Variants in NRXN3 observed in about 807,000 individuals in gnomAD.
The protein encoded by NRXN3 is neurexin 3, also known as neurexin III.
NRXN3 carries 32 observed loss-of-function variants against 137.6 expected under a neutral mutation model. That is an observed-to-expected ratio of 0.23 (90% CI 0.18 to 0.31). The LOEUF (loss-of-function observed/expected upper bound fraction) is 0.31. Ranked by LOEUF, NRXN3 falls within the 10% of genes least tolerant of loss-of-function variation. The pLI is 1.00. For synonymous variants in NRXN3, 798 were observed against 784.5 expected, an observed-to-expected ratio of 1.02 and a Z score of -0.29; for missense variants, 1,574 against 2,062.5, an observed-to-expected ratio of 0.76 and a Z score of 4.59.
At chr14:79,280,711 T>G in intron 15 of NRXN3, 1 of 668,474 alleles carries the variant, frequency 1.5e-6, no homozygotes. Flanking sequence ...TAAAGGTTAG[T>G]GTTTTCTGCC....
intron 4 of NRXN3, among the ~76,000 whole-genome samples, chr14:78,411,641 G>T (rs1482194534): frequency 6.6e-6 from 1 of 152,174 alleles, no homozygotes; most frequent in Non-Finnish European, 1.5e-5. Context: ...GCTGTCTCTG[G>T]AAGGGTATAG....
intron 16 of NRXN3, among the ~76,000 whole-genome samples, chr14:79,591,441 A>G (rs2097802438): frequency 6.6e-6 from 1 of 152,214 alleles, no homozygotes; most frequent in Admixed American, 6.5e-5. Context: ...ATCTTGGTCC[A>G]CAAATTTGTC....
intron 8 of NRXN3, among the ~76,000 whole-genome samples, chr14:78,785,506 C>T (rs1332508098): frequency 1.3e-5 from 2 of 152,194 alleles, no homozygotes; most frequent in Non-Finnish European, 2.9e-5. Context: ...AACTTGTTCC[C>T]TGTAGACTCA....
chr14:78,995,894 C>A (rs1318502439), intron 15 of NRXN3, among the ~76,000 whole-genome samples: 2 of 152,124 alleles, frequency 1.3e-5, no homozygotes, highest in Non-Finnish European at 2.9e-5. Flanking sequence ...AAGCAAAAAT[C>A]TCTTAACCTT....
intron 4 of NRXN3, among the ~76,000 whole-genome samples, chr14:78,492,215 T>C (rs2095681780): frequency 6.6e-6 from 1 of 152,072 alleles, no homozygotes; most frequent in Non-Finnish European, 1.5e-5. Context: ...AGGTATAGAG[T>C]ATGAGAGGGG....
intron 10 of NRXN3, among the ~76,000 whole-genome samples, chr14:78,911,967 C>T (rs558102967): frequency 1.1e-4 from 16 of 151,526 alleles, no homozygotes; most frequent in African/African-American, 2.4e-4. Context: ...ATGTGCACAA[C>T]GTGCAGGTTT....
At chr14:79,758,744 G>C (rs1239567230) in intron 19 of NRXN3, among the ~76,000 whole-genome samples, 1 of 152,192 alleles carries the variant, frequency 6.6e-6, no homozygotes, top group African/African-American at 2.4e-5. Flanking sequence ...GTGTGGCTTA[G>C]TAGAAGGTAA....
chr14:78,899,839 T>A lies in NRXN3; in HGVS notation c.2276-57403T>A, dbSNP rs529305679. The stretch of plus-strand genomic sequence containing the variant: ...CCTCAAATTCTTTTCTACCCTGACT[T>A]AGAACTATATAACTTTAACTCTCTT... On this transcript the variant is annotated intron_variant, in intron 10 of 20. Coordinates refer to ENST00000335750, the MANE Select transcript of NRXN3 (RefSeq NM_001330195.2). 5.3e-5 allele frequency among the ~76,000 whole-genome samples: 8 copies of A among 152,142 alleles called. No homozygotes were observed. The Middle Eastern group carries it at 0.01, about 194-fold the overall frequency.
intron 11 of NRXN3, among the ~76,000 whole-genome samples, chr14:78,960,175 C>A (rs944372275): frequency 6.6e-6 from 1 of 152,076 alleles, no homozygotes; most frequent in African/African-American, 2.4e-5. Context: ...TCCCCCCAAC[C>A]CCCCGAACTT....
In NRXN3 at chr14:79,579,540, G is replaced by A. The variant is rs888269554; in HGVS notation, c.3445-84238G>A. On this transcript the variant is annotated intron_variant, in intron 16 of 20. Coordinates refer to ENST00000335750, the MANE Select transcript of NRXN3 (RefSeq NM_001330195.2). ...ATTATCATTCATGTAGAATACAATG[G>A]TTTTTAAATAATCGGTAATAGAAGT... 3.3e-5 allele frequency among the ~76,000 whole-genome samples: 5 copies of A among 151,718 alleles called. 1 individual carries two copies. In the South Asian group the frequency reaches 1.0e-3, roughly 32 times the overall value.
chr14:79,036,471 A>G (rs2099616176), intron 15 of NRXN3, among the ~76,000 whole-genome samples: 1 of 151,980 alleles, frequency 6.6e-6, no homozygotes, highest in Admixed American at 6.6e-5. Flanking sequence ...TTCCTAGATG[A>G]GTTATGGGTG....
chr14:79,317,474 C>G (rs1374295428), intron 15 of NRXN3, among the ~76,000 whole-genome samples: 3 of 152,154 alleles, frequency 2.0e-5, no homozygotes, highest in South Asian at 2.1e-4. Flanking sequence ...TCCTACTATC[C>G]TACTATGTCT....
At chr14:79,675,111 G>T (rs2098633585) in intron 17 of NRXN3, among the ~76,000 whole-genome samples, 1 of 152,052 alleles carries the variant, frequency 6.6e-6, no homozygotes, top group South Asian at 2.1e-4. Context: ...CTCCAGTGTT[G>T]CACAGCTAGT....
intron 15 of NRXN3, among the ~76,000 whole-genome samples, chr14:79,230,428 A>G (rs2071955312): frequency 6.6e-6 from 1 of 152,172 alleles, no homozygotes; most frequent in South Asian, 2.1e-4. Context: ...AAGATTCCTC[A>G]AGAATGTTGA....
At chr14:78,571,806 C>T (rs185940355) in intron 4 of NRXN3, among the ~76,000 whole-genome samples, 188 of 152,266 alleles carry the variant, frequency 1.2e-3, no homozygotes, top group Non-Finnish European at 1.7e-3. Context: ...GGGAATCTAC[C>T]GTAGGTTCTT....
At chr14:78,195,959 A>G (rs956987604) in intron 1 of NRXN3, among the ~76,000 whole-genome samples, 1 of 152,222 alleles carries the variant, frequency 6.6e-6, no homozygotes, top group African/African-American at 2.4e-5. Context: ...CACCTTATCC[A>G]TGGTCACACA....
intron 10 of NRXN3, among the ~76,000 whole-genome samples, chr14:78,871,511 C>G (rs150271016): frequency 1.3e-5 from 2 of 152,040 alleles, no homozygotes; most frequent in Non-Finnish European, 2.9e-5. Flanking sequence ...CTTTAGTGTA[C>G]GAATTTGAAT....
intron 15 of NRXN3, among the ~76,000 whole-genome samples, chr14:79,436,178 C>G (rs937803302): frequency 6.6e-6 from 1 of 152,056 alleles, no homozygotes; most frequent in Non-Finnish European, 1.5e-5. Context: ...GAATAAAGGG[C>G]CTTTATAATA....
At chr14:79,375,006 C>A (rs893350394) in intron 15 of NRXN3, among the ~76,000 whole-genome samples, 1 of 152,098 alleles carries the variant, frequency 6.6e-6, no homozygotes, top group African/African-American at 2.4e-5. Flanking sequence ...TAAGTACCTA[C>A]GATATGCCAG....
Sources: allele counts gnomAD v4.1 joint callset (sites outside exome capture counted in the v4.1 genomes callset), GRCh38; gene constraint gnomAD v4.1.1; transcripts MANE v1.5; gene names NCBI Gene and HGNC (gene_info 2026-07-23, HGNC 2026-07-21).